Variants in P4HA1 observed in about 807,000 individuals in gnomAD.
P4HA1 encodes the protein prolyl 4-hydroxylase subunit alpha 1.
P4HA1 carries 24 observed loss-of-function variants against 72.8 expected under a neutral mutation model. The ratio of observed to expected loss-of-function variants is 0.33; its 90% CI spans 0.24 to 0.46. P4HA1 has a LOEUF of 0.46. Ranked by LOEUF, P4HA1 falls within the 20% of genes least tolerant of loss-of-function variation. The pLI is 1.00. For missense variants in P4HA1, 446 were observed against 640.6 expected (o/e 0.70, Z 3.28); for synonymous variants, 201 against 218.8 (o/e 0.92, Z 0.72).
chr10:73,013,270 T>C (rs1000112418), intron 12 of P4HA1, among the ~76,000 whole-genome samples: 4 of 152,226 alleles, frequency 2.6e-5, no homozygotes, highest in South Asian at 2.1e-4. Flanking sequence ...ACCTTTGTAA[T>C]TGCTGTAACA....
Position 73,070,319 on chromosome 10 carries a change from G to C in P4HA1, c.326-1336C>G, listed in dbSNP as rs563503681. Among the ~76,000 whole-genome samples the C allele has an allele frequency of 1.5e-4, 22 of 151,700 alleles. No homozygotes were observed. In the South Asian group the frequency reaches 4.6e-3, roughly 32 times the overall value. The stretch of plus-strand genomic sequence containing the variant: ...TTAAAGGTGCCCACCACCAGGCCCG[G>C]CTAACTTTTATATTTTTAGTAGAGA... On this transcript the variant is annotated intron_variant, in intron 4 of 14. Coordinates refer to ENST00000394890, the MANE Select transcript of P4HA1 (RefSeq NM_001017962.3).
intron 10 of P4HA1, among the ~76,000 whole-genome samples, chr10:73,026,854 T>A (rs183764860): frequency 1.3e-5 from 2 of 152,330 alleles, no homozygotes; most frequent in Non-Finnish European, 2.9e-5. Context: ...AAAATGCTCA[T>A]CATCACTGGT....
intron 11 of P4HA1, among the ~76,000 whole-genome samples, chr10:73,014,959 G>A (rs892291104): frequency 2.2e-4 from 34 of 151,670 alleles, no homozygotes; most frequent in Non-Finnish European, 4.4e-4. Flanking sequence ...CTCCCAAGTG[G>A]CTGGGGCTAC....
chr10:73,079,743 AAAAT>A (rs749758956), intron 1 of P4HA1, among the ~76,000 whole-genome samples: 21 of 152,244 alleles, frequency 1.4e-4, no homozygotes, highest in African/African-American at 4.3e-4. Flanking sequence ...ACTTTGTCTC[AAAAT>A]AAATAAATAA....
intron 1 of P4HA1, among the ~76,000 whole-genome samples, chr10:73,075,270 G>A (rs1037655622): frequency 6.6e-6 from 1 of 152,042 alleles, no homozygotes; most frequent in Non-Finnish European, 1.5e-5. Context: ...ACCACACCCA[G>A]CTAACTTTTT....
At chr10:73,030,960 T>C (rs1840420100) in intron 9 of P4HA1, among the ~76,000 whole-genome samples, 1 of 152,216 alleles carries the variant, frequency 6.6e-6, no homozygotes. Context: ...AGTTTGGTAG[T>C]TGCTCAAAAT....
intron 10 of P4HA1, among the ~76,000 whole-genome samples, chr10:73,018,672 T>G (rs1176991173): frequency 6.6e-6 from 1 of 151,540 alleles, no homozygotes; most frequent in Non-Finnish European, 1.5e-5. Flanking sequence ...GGGATAGGAG[T>G]TGCCACTAAG....
At position 73,008,167 on chromosome 10, in the gene P4HA1, G is replaced by A; in HGVS notation, c.*55C>T. ...CTCCTGAAAGTTAAGACTAGGAAAT[G>A]TGTATATCAGACACATAAGAGTACA... On this transcript the variant is annotated 3_prime_UTR_variant, in exon 15 of 15. Coordinates refer to ENST00000394890, the MANE Select transcript of P4HA1 (RefSeq NM_001017962.3). The A allele has an allele frequency of 1.9e-6, 2 of 1,037,522 alleles. No individual in the cohort carries two copies. Among genetic ancestry groups the A allele is most frequent in the African/African-American group, 1.6e-5 (1 of 63,158 alleles). 64.3% of individuals were successfully genotyped at this position (1,037,522 alleles called of 1,614,324 possible).
intron 9 of P4HA1, among the ~76,000 whole-genome samples, chr10:73,038,687 C>A (rs1005319693): frequency 1.1e-5 from 1 of 93,990 alleles, no homozygotes; most frequent in Non-Finnish European, 1.8e-5. Flanking sequence ...AGTGCAGTGG[C>A]GGGATCTCGG....
intron 5 of P4HA1, among the ~76,000 whole-genome samples, chr10:73,067,994 G>A (rs547714441): frequency 2.6e-5 from 4 of 152,058 alleles, no homozygotes; most frequent in African/African-American, 9.6e-5. Flanking sequence ...TAAAAATAAG[G>A]TTATAATCTT....
At chr10:73,067,244 C>T (rs1005047118) in intron 5 of P4HA1, among the ~76,000 whole-genome samples, 5 of 152,172 alleles carry the variant, frequency 3.3e-5, no homozygotes, top group African/African-American at 1.2e-4. Flanking sequence ...TTCTACTATT[C>T]TACTCTAATA....
Position 73,008,043 on chromosome 10 carries a change from TA to T in P4HA1, c.*178del, listed in dbSNP as rs562738577. The T allele has an allele frequency of 1.2e-4, 52 of 451,328 alleles. 2 individuals carry two copies. The South Asian group carries it at 3.5e-3, about 31-fold the overall frequency. The allele number at this position is 451,328 out of a possible 1,614,324, so 28.0% of individuals were successfully genotyped here. ...TTTATGCAATATGATGATTTCGTGT[TA>T]CTTTTAAAAGAACCCACAAAGTAAG... On this transcript the variant is annotated 3_prime_UTR_variant, in exon 15 of 15. Coordinates refer to ENST00000394890, the MANE Select transcript of P4HA1 (RefSeq NM_001017962.3).
intron 14 of P4HA1, 65 bp downstream of exon 14, chr10:73,009,741 CA>C: frequency 3.3e-6 from 3 of 910,818 alleles, no homozygotes; most frequent in Non-Finnish European, 5.4e-6. Context: ...TTTTAAGACA[CA>C]GATAATAGTT....
At chr10:73,055,925 AAAGT>A (rs1177609916) in intron 5 of P4HA1, among the ~76,000 whole-genome samples, 1 of 152,232 alleles carries the variant, frequency 6.6e-6, no homozygotes, top group East Asian at 1.9e-4. Flanking sequence ...CACATGTTTA[AAAGT>A]AAGAAATGGA....
At chr10:73,081,200 C>T (rs1375615981) in intron 1 of P4HA1, among the ~76,000 whole-genome samples, 1 of 151,872 alleles carries the variant, frequency 6.6e-6, no homozygotes, top group Non-Finnish European at 1.5e-5. Flanking sequence ...CCTGAAAAGA[C>T]TTGTCTTAAT....
chr10:73,092,861 C>T (rs528263359), intron 1 of P4HA1, among the ~76,000 whole-genome samples: 2 of 151,838 alleles, frequency 1.3e-5, no homozygotes, highest in South Asian at 4.2e-4. Context: ...TGGCTCACAC[C>T]TATAATCCCA....
intron 1 of P4HA1, among the ~76,000 whole-genome samples, chr10:73,089,889 TGCA>T (rs1257811870): frequency 2.0e-5 from 3 of 152,150 alleles, no homozygotes; most frequent in African/African-American, 7.2e-5. Context: ...CCGGCTAGAG[TGCA>T]GTAGCGTGAT....
intron 9 of P4HA1, among the ~76,000 whole-genome samples, chr10:73,037,106 C>T (rs1421344375): frequency 6.6e-6 from 1 of 151,424 alleles, no homozygotes; most frequent in Non-Finnish European, 1.5e-5. Context: ...AGTGTTTTTC[C>T]CCATAAAACA....
At chr10:73,030,994 C>G (rs141423449) in intron 9 of P4HA1, among the ~76,000 whole-genome samples, 202 of 152,144 alleles carry the variant, frequency 1.3e-3, no homozygotes, top group Admixed American at 4.0e-3. Flanking sequence ...ATCAAATGAC[C>G]CAGCAATTTA....
Sources: allele counts gnomAD v4.1 joint callset (sites outside exome capture counted in the v4.1 genomes callset), GRCh38; gene constraint gnomAD v4.1.1; transcripts MANE v1.5; gene names NCBI Gene and HGNC (gene_info 2026-07-23, HGNC 2026-07-21).